ABCC12: variants seen among roughly 807,000 people sequenced by gnomAD.
ABCC12 encodes the protein ATP binding cassette subfamily C member 12.
ABCC12 carries 142 observed loss-of-function variants against 151.1 expected under a neutral mutation model. The observed-to-expected ratio is 0.94, with a 90% CI of 0.82 to 1.08. The LOEUF (loss-of-function observed/expected upper bound fraction) is 1.08, where lower values mean the gene tolerates loss of function less well. Among genes scored for constraint, ABCC12 ranks in the 50% least tolerant of loss-of-function variants. ABCC12 has a pLI of 0.00. For synonymous variants in ABCC12, 645 were observed against 646.4 expected, an observed-to-expected ratio of 1.00 and a Z score of 0.03; for missense variants, 1,638 against 1,691.1, an observed-to-expected ratio of 0.97 and a Z score of 0.55.
Position 48,081,485 on chromosome 16 carries a change from G to C in ABCC12, c.*2230C>G, listed in dbSNP as rs558937116. ...GGAGGGGCTTTGTTGTGAAGGGGTTGGGAGCAGGGCCTGTGGAGCCAGACT... is the reference window on the plus strand; with the variant it reads ...GGAGGGGCTTTGTTGTGAAGGGGTTCGGAGCAGGGCCTGTGGAGCCAGACT... On this transcript the variant is annotated 3_prime_UTR_variant, in exon 31 of 31. Transcript: ENST00000311303. Among the ~76,000 whole-genome samples the C allele has an allele frequency of 1.3e-5, 2 of 152,326 alleles. No homozygotes were observed. The highest frequency in any genetic ancestry group is 1.3e-4 in the Admixed American group (2 of 15,300).
chr16:48,117,250 GC>G lies in ABCC12; in HGVS notation c.1785+10del. On this transcript the variant is annotated intron_variant, in intron 14 of 30. Transcript: ENST00000311303. Reference sequence around the variant, plus strand: ...CAGCTACAGTGGGCTTGCGCTCCCAGCCCCGCTCACCTCAGTCAGGTCTCCA... The same window carrying G: ...CAGCTACAGTGGGCTTGCGCTCCCAGCCCGCTCACCTCAGTCAGGTCTCCA... 6.2e-7 allele frequency: 1 copy of G among 1,612,548 alleles called. No individual in the cohort carries two copies. Among genetic ancestry groups the G allele is most frequent in the Non-Finnish European group, 8.5e-7 (1 of 1,179,338 alleles).
intron 12 of ABCC12, 152 bp from the exon 13 acceptor site, chr16:48,121,992 C>T: frequency 1.7e-6 from 2 of 1,147,716 alleles, no homozygotes; most frequent in Non-Finnish European, 2.4e-6. Context: ...CACCAGAAAG[C>T]CCAACCATGC....
Position 48,153,900 on chromosome 16 carries a change from A to G in ABCC12, c.-319-16T>C, listed in dbSNP as rs1965149481. The G allele has an allele frequency of 6.6e-6, 1 of 152,192 alleles. No homozygotes were observed. Among genetic ancestry groups the G allele is most frequent in the African/African-American group, 2.4e-5 (1 of 41,442 alleles). 9.4% of individuals were successfully genotyped at this position (152,192 alleles called of 1,614,324 possible). A position where few individuals can be genotyped will look rare whatever the true frequency, so the allele number is the denominator to read the frequency against. ...TTTGGCAGCCCTGGGGGGAAAAATG[A>G]GACTTTTTTTAAAATCAGGAAGCCT... On this transcript the variant is annotated splice_polypyrimidine_tract_variant and intron_variant, in intron 1 of 30. Coordinates refer to ENST00000311303, the MANE Select transcript of ABCC12 (RefSeq NM_001393797.1).
At chr16:48,091,468 C>T (rs1299658089) in intron 24 of ABCC12, among the ~76,000 whole-genome samples, 2 of 152,192 alleles carry the variant, frequency 1.3e-5, no homozygotes, top group Non-Finnish European at 2.9e-5. Context: ...TGGTGAGAAT[C>T]ATCTCCCCAC....
At chr16:48,131,807 C>T (rs1419923276) in intron 9 of ABCC12, among the ~76,000 whole-genome samples, 1 of 152,190 alleles carries the variant, frequency 6.6e-6, no homozygotes, top group Non-Finnish European at 1.5e-5. Context: ...ATCCTAGTCC[C>T]TTCATTAAAA....
chr16:48,123,627 A>G (rs1451742009), intron 12 of ABCC12, among the ~76,000 whole-genome samples: 2 of 152,180 alleles, frequency 1.3e-5, no homozygotes, highest in African/African-American at 4.8e-5. Flanking sequence ...CTTCTCATTC[A>G]TGTGGGATGT....
In ABCC12 at chr16:48,129,338, G is replaced by A. The variant is rs185152449; in HGVS notation, c.1237-601C>T. Among the ~76,000 whole-genome samples the A allele has an allele frequency of 1.4e-4, 22 of 152,290 alleles. No homozygotes were observed. The East Asian group carries it at 2.7e-3, about 19-fold the overall frequency. On this transcript the variant is annotated intron_variant, in intron 10 of 30. Transcript: ENST00000311303. The stretch of plus-strand genomic sequence containing the variant: ...GAAGGGACACTTGGCTCTCATTCTC[G>A]AGGTCCATGCACTTGGTGCTAGAGC...
chr16:48,105,800 A>C (rs1295251322), intron 20 of ABCC12, among the ~76,000 whole-genome samples: 3 of 152,318 alleles, frequency 2.0e-5, no homozygotes, highest in African/African-American at 7.2e-5. Flanking sequence ...CCAGGCCTTC[A>C]GGGCAACTCG....
intron 22 of ABCC12, among the ~76,000 whole-genome samples, chr16:48,103,031 C>A (rs1475204387): frequency 2.0e-5 from 3 of 152,206 alleles, no homozygotes; most frequent in African/African-American, 7.2e-5. Context: ...TATAGTCTGC[C>A]CTGACCTTTC....
chr16:48,097,304 T>C (rs1385040036), intron 23 of ABCC12, among the ~76,000 whole-genome samples: 1 of 151,860 alleles, frequency 6.6e-6, no homozygotes, highest in Non-Finnish European at 1.5e-5. Flanking sequence ...GAATTGACAA[T>C]TGGCCCCCTT....
chr16:48,127,774 T>C (rs547941519), intron 11 of ABCC12, among the ~76,000 whole-genome samples: 1 of 152,142 alleles, frequency 6.6e-6, no homozygotes, highest in Non-Finnish European at 1.5e-5. Flanking sequence ...TAAGAACATA[T>C]CTAGGACAGG....
At position 48,081,173 on chromosome 16, in the gene ABCC12, A is replaced by G. The variant is rs1191409721; in HGVS notation, c.*2542T>C. Among the ~76,000 whole-genome samples, 1 of 152,208 alleles carries G rather than the reference A, an allele frequency of 6.6e-6. No individual in the cohort carries two copies. Among genetic ancestry groups the G allele is most frequent in the Non-Finnish European group, 1.5e-5 (1 of 68,032 alleles). On this transcript the variant is annotated 3_prime_UTR_variant, in exon 31 of 31. Transcript: ENST00000311303. The stretch of plus-strand genomic sequence containing the variant: ...GTTTCAACAGGAGGATTTTGGGGGA[A>G]CACAATGTTCAGATCATAGCAGACA...
At chr16:48,153,949 C>A (rs537824235) in intron 1 of ABCC12, 65 bp from the exon 2 acceptor site, 1 of 152,202 alleles carries the variant, frequency 6.6e-6, no homozygotes, top group Non-Finnish European at 1.5e-5. Flanking sequence ...TCTCTATCCC[C>A]GTCTGTCACG....
At chr16:48,144,710 A>G (rs113341349) in intron 3 of ABCC12, among the ~76,000 whole-genome samples, 44 of 152,206 alleles carry the variant, frequency 2.9e-4, no homozygotes, top group Admixed American at 7.9e-4. Context: ...GCTGCTTGGA[A>G]TCACTTCTCA....
In ABCC12 at chr16:48,095,125, T is replaced by C. The variant is rs867345774; in HGVS notation, c.3195+1621A>G. On this transcript the variant is annotated intron_variant, in intron 24 of 30. Coordinates refer to ENST00000311303, the MANE Select transcript of ABCC12 (RefSeq NM_001393797.1). ...AAATCATCTTGAATTGTAGCTCCCA[T>C]AATTCCCACGTGTTCTGGGAGGGAC... Among the ~76,000 whole-genome samples, 14 of 152,362 alleles carry C rather than the reference T, an allele frequency of 9.2e-5. No individual in the cohort carries two copies. The South Asian group carries it at 1.4e-3, about 16-fold the overall frequency.
In ABCC12 at chr16:48,086,809, C is replaced by T; in HGVS notation, c.3646G>A (p.Asp1216Asn). ...LFVGTVRYNL[D>N]PFESHTDEML... is the part of the protein sequence containing the mutation. ...TCATCGGTGTGACTCTCAAAGGGAT[C>T]CAAGTTGTACCTGCAATGAAGGAGA... The change falls in exon 28 of 31, where the codon GAT (aspartate) becomes AAT (asparagine). Residue 1216 changes from aspartate (D) to asparagine (N), a missense_variant. Physicochemically the swap from Asp to Asn is conservative, Grantham distance 23 (BLOSUM62 1). Transcript: ENST00000311303. 6.2e-7 allele frequency: 1 copy of T among 1,613,050 alleles called. No homozygotes were observed. The highest frequency in any genetic ancestry group is 1.3e-5 in the African/African-American group (1 of 74,962).
At chr16:48,154,285 C>T (rs1209028828) in intron 1 of ABCC12, among the ~76,000 whole-genome samples, 1 of 152,174 alleles carries the variant, frequency 6.6e-6, no homozygotes, top group Non-Finnish European at 1.5e-5. Flanking sequence ...CCATGTACAA[C>T]TTGCAGTTCC....
At position 48,153,737 on chromosome 16, in the gene ABCC12, T is replaced by A. The variant is rs144996940; in HGVS notation, c.-172A>T. The A allele has an allele frequency of 2.0e-5, 3 of 152,332 alleles. No homozygotes were observed. The highest frequency in any genetic ancestry group is 7.2e-5 in the African/African-American group (3 of 41,566). 9.4% of individuals were successfully genotyped at this position (152,332 alleles called of 1,614,324 possible). A position where few individuals can be genotyped will look rare whatever the true frequency, so the allele number is the denominator to read the frequency against. ...CCAAACACTGGAGGCCAGGCCTCCC[T>A]GGCCAGGTTTGAGTAATCAGCGCGC... On this transcript the variant is annotated 5_prime_UTR_variant, in exon 2 of 31. Transcript: ENST00000311303.
chr16:48,154,072 C>T (rs1344854270), intron 1 of ABCC12, among the ~76,000 whole-genome samples, 188 bp from the exon 2 acceptor site: 1 of 152,118 alleles, frequency 6.6e-6, no homozygotes, highest in East Asian at 1.9e-4. Context: ...GAGGCAGTGC[C>T]AACCGGGCCA....
Sources: gnomAD v4.1 joint callset for allele counts (sites outside exome capture counted in the v4.1 genomes callset) on GRCh38, gnomAD v4.1.1 for gene constraint, MANE v1.5 for transcripts, NCBI Gene and HGNC (gene_info 2026-07-23, HGNC 2026-07-21) for gene names.